Variants in RSRC1 observed in about 807,000 individuals in gnomAD.
RSRC1 encodes arginine and serine rich coiled-coil 1.
In RSRC1, 39 loss-of-function variants were observed where a neutral mutation model predicts 49.1. The observed-to-expected ratio is 0.79, with a 90% CI of 0.61 to 1.04. RSRC1 has a LOEUF of 1.04. Ranked by LOEUF, RSRC1 falls within the 50% of genes least tolerant of loss-of-function variation. The pLI, the probability that RSRC1 is intolerant of heterozygous loss-of-function variation, is 0.00. For synonymous variants in RSRC1, 143 were observed against 130.8 expected, an observed-to-expected ratio of 1.09 and a Z score of -0.63; for missense variants, 388 against 402.4, an observed-to-expected ratio of 0.96 and a Z score of 0.31.
intron 4 of RSRC1, among the ~76,000 whole-genome samples, chr3:158,210,361 A>C (rs1169338592): frequency 2.0e-5 from 3 of 152,004 alleles, no homozygotes; most frequent in African/African-American, 7.2e-5. Flanking sequence ...TTATTGAAAA[A>C]GACGAAGACT....
intron 7 of RSRC1, among the ~76,000 whole-genome samples, chr3:158,485,828 C>T (rs536412378): frequency 6.6e-6 from 1 of 152,094 alleles, no homozygotes; most frequent in Admixed American, 6.6e-5. Flanking sequence ...TAGACATTTT[C>T]CTCTAAAACA....
At chr3:158,257,116 T>C (rs1724611399) in intron 4 of RSRC1, among the ~76,000 whole-genome samples, 1 of 152,138 alleles carries the variant, frequency 6.6e-6, no homozygotes, top group Non-Finnish European at 1.5e-5. Context: ...TTCTGCTAGC[T>C]TTTGAATGTG....
At chr3:158,498,421 T>G (rs1264334119) in intron 7 of RSRC1, among the ~76,000 whole-genome samples, 1 of 152,154 alleles carries the variant, frequency 6.6e-6, no homozygotes, top group East Asian at 1.9e-4. Context: ...TGTTTTGTTT[T>G]GTTTTGTTTT....
chr3:158,195,159 G>A (rs1209441166), intron 3 of RSRC1, among the ~76,000 whole-genome samples: 5 of 152,150 alleles, frequency 3.3e-5, no homozygotes, highest in African/African-American at 1.2e-4. Flanking sequence ...TCCAGCATCT[G>A]TTGTTTCCTG....
intron 4 of RSRC1, among the ~76,000 whole-genome samples, chr3:158,237,435 C>T (rs1300716215): frequency 1.3e-5 from 2 of 152,102 alleles, no homozygotes; most frequent in East Asian, 3.9e-4. Context: ...AGTTTATATT[C>T]CCATAAGCAA....
At chr3:158,385,747 A>T (rs925972101) in intron 6 of RSRC1, among the ~76,000 whole-genome samples, 4 of 152,170 alleles carry the variant, frequency 2.6e-5, no homozygotes, top group Non-Finnish European at 5.9e-5. Context: ...ATTTGTAATC[A>T]TGAGCTGATT....
chr3:158,153,935 T>C (rs1214187141), intron 3 of RSRC1, among the ~76,000 whole-genome samples: 1 of 152,184 alleles, frequency 6.6e-6, no homozygotes, highest in Non-Finnish European at 1.5e-5. Flanking sequence ...GATACATGTA[T>C]GCAAAATGTG....
intron 6 of RSRC1, among the ~76,000 whole-genome samples, chr3:158,390,307 G>A (rs950483098): frequency 1.3e-5 from 2 of 152,146 alleles, no homozygotes; most frequent in Non-Finnish European, 2.9e-5. Context: ...CCCAGTCTAG[G>A]TTTACCTTGC....
intron 7 of RSRC1, among the ~76,000 whole-genome samples, chr3:158,516,383 G>T (rs550608260): frequency 1.3e-5 from 2 of 151,934 alleles, no homozygotes; most frequent in South Asian, 2.1e-4. Flanking sequence ...GCCCCTGCTG[G>T]GGGGTGCCTC....
intron 4 of RSRC1, among the ~76,000 whole-genome samples, chr3:158,273,561 G>A (rs892446517): frequency 6.6e-6 from 1 of 152,028 alleles, no homozygotes; most frequent in African/African-American, 2.4e-5. Flanking sequence ...ATGAATGTTA[G>A]CACTGAGGCC....
At chr3:158,257,943 G>A (rs556604608) in intron 4 of RSRC1, among the ~76,000 whole-genome samples, 34 of 152,088 alleles carry the variant, frequency 2.2e-4, no homozygotes, top group Non-Finnish European at 4.1e-4. Flanking sequence ...CCTTAACTTC[G>A]TCCCCTTTCT....
intron 4 of RSRC1, among the ~76,000 whole-genome samples, chr3:158,265,890 T>C (rs1389020299): frequency 6.6e-6 from 1 of 152,164 alleles, no homozygotes; most frequent in Non-Finnish European, 1.5e-5. Context: ...GAGGTAGGGA[T>C]GATTTTTTTT....
At chr3:158,340,778 T>TAACA (rs1167907857) in intron 5 of RSRC1, among the ~76,000 whole-genome samples, 1 of 152,174 alleles carries the variant, frequency 6.6e-6, no homozygotes, top group Non-Finnish European at 1.5e-5. Flanking sequence ...TGGAACTGGG[T>TAACA]AACAGGCAGA....
intron 3 of RSRC1, among the ~76,000 whole-genome samples, chr3:158,158,844 C>A (rs1347192018): frequency 6.7e-6 from 1 of 150,220 alleles, no homozygotes; most frequent in Non-Finnish European, 1.5e-5. Flanking sequence ...GAGGCTGAGG[C>A]AAGAGAATTA....
At chr3:158,352,268 T>A (rs1730920511) in intron 5 of RSRC1, among the ~76,000 whole-genome samples, 1 of 152,098 alleles carries the variant, frequency 6.6e-6, no homozygotes, top group South Asian at 2.1e-4. Context: ...TGAGACCCTA[T>A]CTCTTACAAA....
At chr3:158,287,184 G>C (rs191153339) in intron 4 of RSRC1, among the ~76,000 whole-genome samples, 20 of 152,176 alleles carry the variant, frequency 1.3e-4, no homozygotes, top group Middle Eastern at 3.4e-3. Flanking sequence ...CCTTCTATTT[G>C]GGATTGTTGA....
chr3:158,481,435 G>T (rs537992025), intron 7 of RSRC1, among the ~76,000 whole-genome samples: 1 of 152,090 alleles, frequency 6.6e-6, no homozygotes. Flanking sequence ...TCACAAATTG[G>T]TTATTTACAC....
At position 158,259,020 on chromosome 3, in the gene RSRC1, G is replaced by C. The variant is rs540965186; in HGVS notation, c.495-39019G>C. ...AGCTATTTTGAATTCTGTCTGAAAG[G>C]TTATGTATGTCTATCTTTCCAGGAT... On this transcript the variant is annotated intron_variant, in intron 4 of 9. Coordinates refer to ENST00000611884, the MANE Select transcript of RSRC1 (RefSeq NM_001271838.2). 3.9e-5 allele frequency among the ~76,000 whole-genome samples: 6 copies of C among 152,194 alleles called. No individual in the cohort carries two copies. The East Asian group carries it at 7.7e-4, about 20-fold the overall frequency.
intron 6 of RSRC1, among the ~76,000 whole-genome samples, chr3:158,449,427 A>G (rs1252019449): frequency 2.6e-5 from 4 of 151,930 alleles, no homozygotes; most frequent in Non-Finnish European, 5.9e-5. Context: ...GACTAAGTTA[A>G]ATAATTCTCT....
Sources: gnomAD v4.1 joint callset for allele counts (sites outside exome capture counted in the v4.1 genomes callset) on GRCh38, gnomAD v4.1.1 for gene constraint, MANE v1.5 for transcripts, NCBI Gene and HGNC (gene_info 2026-07-23, HGNC 2026-07-21) for gene names.